The following GREM2 variants were observed in gnomAD, a reference collection of about 807,000 sequenced individuals.
GREM2 encodes gremlin 2, DAN family BMP antagonist.
Under a neutral mutation model 14.2 loss-of-function variants are expected in GREM2, and 11 were observed. The observed-to-expected ratio is 0.78, with a 90% CI of 0.49 to 1.28. The LOEUF is 1.28. Ranked by LOEUF, GREM2 falls within the 50% of genes most tolerant of loss-of-function variation. The pLI, the probability that GREM2 is intolerant of heterozygous loss-of-function variation, is 0.00. For missense variants in GREM2, 210 were observed against 218.5 expected, an observed-to-expected ratio of 0.96 and a Z score of 0.24; for synonymous variants, 98 against 97.6, an observed-to-expected ratio of 1.00 and a Z score of -0.02.
intron 1 of GREM2, among the ~76,000 whole-genome samples, chr1:240,500,155 G>A (rs562146911): frequency 2.6e-5 from 4 of 152,146 alleles, no homozygotes; most frequent in Admixed American, 6.5e-5. Flanking sequence ...TTTTGAAAAT[G>A]TTAATATAAG....
At chr1:240,567,535 A>G (rs1679193415) in intron 1 of GREM2, among the ~76,000 whole-genome samples, 1 of 152,222 alleles carries the variant, frequency 6.6e-6, no homozygotes, top group Admixed American at 6.5e-5. Flanking sequence ...AAGTATTGAA[A>G]GCAAAAACCC....
intron 1 of GREM2, among the ~76,000 whole-genome samples, chr1:240,569,414 G>C (rs750130275): frequency 1.3e-5 from 2 of 152,142 alleles, no homozygotes; most frequent in Non-Finnish European, 2.9e-5. Context: ...GAATAACAAA[G>C]TTGAAAGACT....
chr1:240,568,430 G>A (rs539038774), intron 1 of GREM2, among the ~76,000 whole-genome samples: 6 of 151,912 alleles, frequency 3.9e-5, no homozygotes, highest in South Asian at 2.1e-4. Flanking sequence ...ACAAAGAAGC[G>A]ACTGGAAAAA....
chr1:240,522,943 T>C (rs1373889744), intron 1 of GREM2, among the ~76,000 whole-genome samples: 3 of 152,212 alleles, frequency 2.0e-5, no homozygotes, highest in Non-Finnish European at 4.4e-5. Context: ...CAACAATGAC[T>C]TTAACCATGA....
chr1:240,506,985 G>C (rs923494725), intron 1 of GREM2, among the ~76,000 whole-genome samples: 1 of 152,208 alleles, frequency 6.6e-6, no homozygotes, highest in Non-Finnish European at 1.5e-5. Flanking sequence ...GGGACATCTA[G>C]GTAGCTGCTT....
At chr1:240,516,209 C>T (rs1434207109) in intron 1 of GREM2, among the ~76,000 whole-genome samples, 3 of 151,740 alleles carry the variant, frequency 2.0e-5, no homozygotes, top group African/African-American at 7.3e-5. Flanking sequence ...AATTATCCCA[C>T]CTCAGTATCC....
At chr1:240,553,645 G>A (rs896024832) in intron 1 of GREM2, among the ~76,000 whole-genome samples, 7 of 152,094 alleles carry the variant, frequency 4.6e-5, no homozygotes, top group African/African-American at 1.7e-4. Flanking sequence ...TTTATATAAC[G>A]AACACTTCTG....
chr1:240,493,389 G>C lies in GREM2; in HGVS notation c.87C>G (p.Ala29=). 1 of 1,613,242 alleles carries C rather than the reference G, an allele frequency of 6.2e-7. No individual in the cohort carries two copies. The highest frequency in any genetic ancestry group is 8.5e-7 in the Non-Finnish European group (1 of 1,179,880). ...TGCCGTCCTTGTAAGGCGAGGGGAT[G>C]GCGCCCGCCGGCCGGTTCTTCCGGG... ...AEARKNRPAG[A]IPSPYKDGSS... is the part of the protein sequence containing the mutation. Residue 29 remains alanine (A), a synonymous_variant, in exon 2 of 2, where the codon GCC becomes GCG. Coordinates refer to ENST00000318160, the MANE Select transcript of GREM2 (RefSeq NM_022469.4).
At chr1:240,604,108 C>T (rs931443501) in intron 1 of GREM2, among the ~76,000 whole-genome samples, 12 of 151,656 alleles carry the variant, frequency 7.9e-5, no homozygotes, top group African/African-American at 2.7e-4. Context: ...CTTTAAAGAA[C>T]GAGCTTTCAA....
intron 1 of GREM2, among the ~76,000 whole-genome samples, chr1:240,567,894 AG>A (rs1679197590): frequency 6.6e-6 from 1 of 152,238 alleles, no homozygotes; most frequent in African/African-American, 2.4e-5. Flanking sequence ...AGATCACTTG[AG>A]GCCAGGAGTT....
intron 1 of GREM2, among the ~76,000 whole-genome samples, chr1:240,598,375 T>C (rs1679860537): frequency 6.6e-6 from 1 of 152,200 alleles, no homozygotes; most frequent in African/African-American, 2.4e-5. Context: ...AAATGTACAA[T>C]CACTATAAAA....
At chr1:240,571,714 AAAAG>A (rs370255011) in intron 1 of GREM2, among the ~76,000 whole-genome samples, 6 of 152,284 alleles carry the variant, frequency 3.9e-5, no homozygotes, top group African/African-American at 1.4e-4. Flanking sequence ...AAGAAAAAGA[AAAAG>A]AAAAGAAAAA....
intron 1 of GREM2, among the ~76,000 whole-genome samples, chr1:240,547,869 C>T (rs1678771312): frequency 6.6e-6 from 1 of 151,644 alleles, no homozygotes; most frequent in Admixed American, 6.6e-5. Context: ...TGCTGACTAG[C>T]CAGCTATTGA....
chr1:240,499,842 G>A (rs1277852766), intron 1 of GREM2, among the ~76,000 whole-genome samples: 5 of 152,128 alleles, frequency 3.3e-5, no homozygotes. Flanking sequence ...TGCTGCTTTG[G>A]TGCTATAAGG....
At chr1:240,497,891 G>A (rs150245041) in intron 1 of GREM2, among the ~76,000 whole-genome samples, 124 of 152,180 alleles carry the variant, frequency 8.1e-4, no homozygotes, top group African/African-American at 2.9e-3. Context: ...AAGTATTTTG[G>A]TTCCATTTTA....
At chr1:240,581,049 G>A (rs1679473212) in intron 1 of GREM2, among the ~76,000 whole-genome samples, 1 of 151,872 alleles carries the variant, frequency 6.6e-6, no homozygotes. Flanking sequence ...CAAAAGTTCA[G>A]CACCAGCCTG....
chr1:240,526,804 G>A (rs894998367), intron 1 of GREM2, among the ~76,000 whole-genome samples: 4 of 152,092 alleles, frequency 2.6e-5, no homozygotes, highest in African/African-American at 4.8e-5. Context: ...ATATTTACAC[G>A]CAGCAAAAAA....
chr1:240,507,514 G>T (rs1478464805), intron 1 of GREM2, among the ~76,000 whole-genome samples: 1 of 152,090 alleles, frequency 6.6e-6, no homozygotes. Flanking sequence ...TGTATTTTTA[G>T]TAGAGACAGG....
chr1:240,560,548 G>T (rs1679019168), intron 1 of GREM2, among the ~76,000 whole-genome samples: 1 of 152,168 alleles, frequency 6.6e-6, no homozygotes, highest in African/African-American at 2.4e-5. Context: ...ACAGTTAAGT[G>T]AAACAGTTAT....
Sources: gnomAD v4.1 joint callset for allele counts (sites outside exome capture counted in the v4.1 genomes callset) on GRCh38, gnomAD v4.1.1 for gene constraint, MANE v1.5 for transcripts, NCBI Gene and HGNC (gene_info 2026-07-23, HGNC 2026-07-21) for gene names.